Variants in RERE observed in about 807,000 individuals in gnomAD.
RERE encodes the protein arginine-glutamic acid dipeptide repeats.
RERE carries 40 observed loss-of-function variants against 146.1 expected under a neutral mutation model. That is an observed-to-expected ratio of 0.27 (90% confidence interval 0.21 to 0.36). The LOEUF is 0.36. RERE is among the 10% of genes least tolerant of loss of function. RERE has a pLI of 1.00. For synonymous variants in RERE, 1,003 were observed against 866.0 expected (o/e 1.16, Z -2.78); for missense variants, 1,933 against 2,138.7 (o/e 0.90, Z 1.90).
chr1:8,501,158 G>C lies in RERE; in HGVS notation c.880-3629C>G, dbSNP rs567493794. ...GCCCGGCCAGCTGCCCCGTCCGGGA[G>C]GGGGGGTCAGCCCCCTGCCCGGCCA... On this transcript the variant is annotated intron_variant, in intron 8 of 22. Coordinates refer to ENST00000400908, the MANE Select transcript of RERE (RefSeq NM_001042681.2). Among the ~76,000 whole-genome samples, 4 of 143,178 alleles carry C rather than the reference G, an allele frequency of 2.8e-5. No homozygotes were observed. In the South Asian group the frequency reaches 8.4e-4, roughly 30 times the overall value. 93.9% of individuals were successfully genotyped at this position (143,178 alleles called of 152,430 possible).
At chr1:8,472,293 C>T (rs1388520484) in intron 10 of RERE, among the ~76,000 whole-genome samples, 1 of 152,168 alleles carries the variant, frequency 6.6e-6, no homozygotes, top group Non-Finnish European at 1.5e-5. Flanking sequence ...GAAGGATTGC[C>T]ATAATTTCAT....
chr1:8,641,981 A>G (rs1284519806), intron 2 of RERE, among the ~76,000 whole-genome samples: 1 of 152,206 alleles, frequency 6.6e-6, no homozygotes, highest in Non-Finnish European at 1.5e-5. Flanking sequence ...TACATCTTTT[A>G]TCTCTGTGAA....
intron 12 of RERE, among the ~76,000 whole-genome samples, chr1:8,376,348 C>A (rs1642253768): frequency 6.6e-6 from 1 of 152,146 alleles, no homozygotes; most frequent in South Asian, 2.1e-4. Context: ...AGGGTAGAGC[C>A]CCCATCCCAG....
At position 8,668,921 on chromosome 1, in the gene RERE, ACT is replaced by A. The variant is rs1240062067; in HGVS notation, c.-144-12482_-144-12481del. On this transcript the variant is annotated intron_variant, in intron 1 of 22. Transcript: ENST00000400908. ...CTGTGAATATTCTAAAATGCACTAA[ACT>A]CTGTGTGTGTGTGTGTGTGTGTGTG... 2.6e-4 allele frequency among the ~76,000 whole-genome samples: 20 copies of A among 78,252 alleles called. 1 individual carries two copies. Among genetic ancestry groups the A allele is most frequent in the East Asian group, 1.7e-3 (4 of 2,372 alleles). 51.3% of individuals were successfully genotyped at this position (78,252 alleles called of 152,430 possible).
intron 6 of RERE, among the ~76,000 whole-genome samples, chr1:8,548,496 CA>C (rs899964549): frequency 1.3e-5 from 2 of 152,142 alleles, no homozygotes; most frequent in African/African-American, 4.8e-5. Flanking sequence ...AGAGGAAAAG[CA>C]GTATTTGGCA....
intron 11 of RERE, among the ~76,000 whole-genome samples, chr1:8,454,371 C>T (rs1285433281): frequency 6.6e-6 from 1 of 151,640 alleles, no homozygotes; most frequent in Non-Finnish European, 1.5e-5. Flanking sequence ...CAATTTTTCA[C>T]CTGGGAAGTG....
At chr1:8,654,366 C>T (rs1263327064) in intron 2 of RERE, among the ~76,000 whole-genome samples, 1 of 152,032 alleles carries the variant, frequency 6.6e-6, no homozygotes, top group Non-Finnish European at 1.5e-5. Flanking sequence ...TTAAAAAACT[C>T]CTGTGTGGGA....
intron 1 of RERE, among the ~76,000 whole-genome samples, chr1:8,679,368 G>GA (rs373930597): frequency 6.6e-6 from 1 of 152,000 alleles, no homozygotes; most frequent in Non-Finnish European, 1.5e-5. Flanking sequence ...GTGACCCGAG[G>GA]AAAAAAGAGC....
chr1:8,764,248 T>C (rs533339537), intron 1 of RERE, among the ~76,000 whole-genome samples: 1 of 152,248 alleles, frequency 6.6e-6, no homozygotes, highest in Admixed American at 6.5e-5. Context: ...TCTATGACTC[T>C]TGGGGGAAGC....
chr1:8,618,415 G>A (rs763560391), intron 3 of RERE, among the ~76,000 whole-genome samples: 43 of 152,134 alleles, frequency 2.8e-4, no homozygotes, highest in Admixed American at 4.6e-4. Flanking sequence ...TCCGCGCTCT[G>A]AACCTGGGCA....
At chr1:8,730,851 G>A (rs1037540636) in intron 1 of RERE, among the ~76,000 whole-genome samples, 1 of 152,186 alleles carries the variant, frequency 6.6e-6, no homozygotes, top group Non-Finnish European at 1.5e-5. Context: ...CCATTCACAT[G>A]CCTCAGAATC....
At chr1:8,744,123 C>T (rs994767857) in intron 1 of RERE, among the ~76,000 whole-genome samples, 7 of 152,166 alleles carry the variant, frequency 4.6e-5, no homozygotes, top group African/African-American at 1.4e-4. Flanking sequence ...TGGGAGTGGA[C>T]ATACTTTTAA....
intron 10 of RERE, among the ~76,000 whole-genome samples, chr1:8,480,688 G>A (rs1262185857): frequency 3.3e-5 from 5 of 152,122 alleles, no homozygotes; most frequent in East Asian, 3.9e-4. Context: ...CACCCGCCTC[G>A]GCCTCCCAAA....
chr1:8,416,177 C>T (rs930258513), intron 12 of RERE, among the ~76,000 whole-genome samples: 1 of 152,202 alleles, frequency 6.6e-6, no homozygotes, highest in Non-Finnish European at 1.5e-5. Flanking sequence ...TCTAACTAGA[C>T]TGCATGCCAC....
At chr1:8,724,875 T>TAAAAAAAAAAAA (rs1176635924) in intron 1 of RERE, among the ~76,000 whole-genome samples, 47 of 120,732 alleles carry the variant, frequency 3.9e-4, no homozygotes, top group Admixed American at 1.3e-3. Flanking sequence ...AGATACTTTG[T>TAAAAAAAAAAAA]AAAAAAAAAA....
intron 1 of RERE, among the ~76,000 whole-genome samples, chr1:8,735,975 C>A (rs1640188290): frequency 6.6e-6 from 1 of 152,212 alleles, no homozygotes; most frequent in Non-Finnish European, 1.5e-5. Context: ...TTCAACCACT[C>A]TCCTATATTG....
At chr1:8,414,884 T>C (rs937617396) in intron 12 of RERE, among the ~76,000 whole-genome samples, 2 of 152,172 alleles carry the variant, frequency 1.3e-5, no homozygotes, top group African/African-American at 4.8e-5. Flanking sequence ...GGGGGATGCC[T>C]TTCCCATGCT....
intron 7 of RERE, among the ~76,000 whole-genome samples, chr1:8,532,933 A>T (rs1364505897): frequency 2.6e-5 from 4 of 151,200 alleles, no homozygotes; most frequent in Non-Finnish European, 5.9e-5. Flanking sequence ...GGGTTTCACC[A>T]TATTGATCAA....
chr1:8,590,345 G>C (rs139485662), intron 4 of RERE, among the ~76,000 whole-genome samples: 83 of 152,184 alleles, frequency 5.5e-4, no homozygotes, highest in African/African-American at 2.0e-3. Context: ...ACAGCACAAA[G>C]CCATCAAATC....
Sources: gnomAD v4.1 joint callset for allele counts (sites outside exome capture counted in the v4.1 genomes callset) on GRCh38, gnomAD v4.1.1 for gene constraint, MANE v1.5 for transcripts, NCBI Gene and HGNC (gene_info 2026-07-23, HGNC 2026-07-21) for gene names.